RILPL1: variants seen among roughly 807,000 people sequenced by gnomAD.
The protein encoded by RILPL1 is Rab interacting lysosomal protein like 1, also known as RILP-like protein 1.
RILPL1 carries 33 observed loss-of-function variants against 50.3 expected under a neutral mutation model. The observed-to-expected ratio is 0.66, with a 90% CI of 0.50 to 0.88. The LOEUF is 0.88. Among genes scored for constraint, RILPL1 ranks in the 40% least tolerant of loss-of-function variants. The probability of loss-of-function intolerance (pLI) is 0.00; values close to 1 mark genes in which losing one functional copy is unlikely to be tolerated. For missense variants in RILPL1, 418 were observed against 542.5 expected (o/e 0.77, Z 2.28); for synonymous variants, 205 against 228.6 (o/e 0.90, Z 0.93).
intron 2 of RILPL1, among the ~76,000 whole-genome samples, chr12:123,504,000 C>CAAAA: frequency 9.6e-6 from 1 of 104,574 alleles, no homozygotes; most frequent in Non-Finnish European, 2.0e-5. Context: ...GACTCTATCT[C>CAAAA]AAAAAAAAAA....
chr12:123,480,722 G>T (rs1881918999), intron 6 of RILPL1, among the ~76,000 whole-genome samples: 1 of 152,048 alleles, frequency 6.6e-6, no homozygotes, highest in African/African-American at 2.4e-5. Flanking sequence ...CACTGCATGA[G>T]AAACCCTTCC....
intron 2 of RILPL1, among the ~76,000 whole-genome samples, chr12:123,507,571 A>G (rs1373247205): frequency 1.3e-5 from 2 of 151,804 alleles, no homozygotes; most frequent in Admixed American, 1.3e-4. Context: ...TCTCAAAAAA[A>G]AAAAAAAGAT....
chr12:123,497,481 G>A (rs948443278), intron 4 of RILPL1, among the ~76,000 whole-genome samples: 10 of 151,962 alleles, frequency 6.6e-5, no homozygotes, highest in African/African-American at 1.9e-4. Context: ...CTCTGCCTCC[G>A]AGGTTCAAGC....
intron 2 of RILPL1, among the ~76,000 whole-genome samples, chr12:123,511,413 GTC>G (rs1884186926): frequency 7.5e-6 from 1 of 133,586 alleles, no homozygotes; most frequent in African/African-American, 2.8e-5. Context: ...TGTGTGTGAG[GTC>G]TGTGTGTGAG....
intron 2 of RILPL1, among the ~76,000 whole-genome samples, chr12:123,515,861 C>G (rs1025577517): frequency 9.3e-5 from 14 of 151,184 alleles, no homozygotes; most frequent in African/African-American, 2.9e-4. Context: ...ATGGAGAAAC[C>G]CTGTCTCTAC....
intron 2 of RILPL1, chr12:123,518,513 AAAG>A: frequency 4.4e-6 from 1 of 225,724 alleles, no homozygotes; most frequent in South Asian, 4.5e-5. Flanking sequence ...AAAAAAAAAA[AAAG>A]GGAGAATGGC....
intron 1 of RILPL1, among the ~76,000 whole-genome samples, chr12:123,524,399 C>T (rs1885175885): frequency 1.3e-5 from 2 of 152,178 alleles, no homozygotes; most frequent in Admixed American, 6.5e-5. Flanking sequence ...AACATTAACA[C>T]AGAGTTACCA....
At chr12:123,494,953 C>T (rs1185694420) in intron 4 of RILPL1, among the ~76,000 whole-genome samples, 3 of 152,204 alleles carry the variant, frequency 2.0e-5, no homozygotes, top group Admixed American at 6.5e-5. Context: ...TTATCCTTCC[C>T]TCAGGTCTTT....
intron 6 of RILPL1, among the ~76,000 whole-genome samples, chr12:123,479,132 G>C (rs1365851932): frequency 1.3e-5 from 2 of 152,084 alleles, no homozygotes; most frequent in Non-Finnish European, 2.9e-5. Context: ...GAGCAGAAAA[G>C]GAATGGGTTC....
At chr12:123,478,299 C>T (rs1881736587) in intron 6 of RILPL1, among the ~76,000 whole-genome samples, 1 of 152,058 alleles carries the variant, frequency 6.6e-6, no homozygotes, top group African/African-American at 2.4e-5. Context: ...CCGCGCCTGG[C>T]CCTGTCTGTG....
In RILPL1 at chr12:123,472,002, C is replaced by CT. The variant is rs1280798873; in HGVS notation, c.*535dup. ...ATCCATATTGTCTGTGGCTTTGTGT[C>CT]TGAGTTGGGCTACTGAGCCTGTGAC... On this transcript the variant is annotated 3_prime_UTR_variant, in exon 7 of 7. Transcript: ENST00000376874. The CT allele has an allele frequency of 6.5e-6, 1 of 153,314 alleles. No individual in the cohort carries two copies. Among genetic ancestry groups the CT allele is most frequent in the East Asian group, 1.9e-4 (1 of 5,206 alleles). The allele number at this position is 153,314 out of a possible 1,614,324, so 9.5% of individuals were successfully genotyped here.
At chr12:123,518,323 G>C in intron 2 of RILPL1, 1 of 428,178 alleles carries the variant, frequency 2.3e-6, no homozygotes, top group Non-Finnish European at 4.6e-6. Flanking sequence ...GGGCAACATA[G>C]TGAGACCCCC....
chr12:123,501,499 C>T (rs1055971066), intron 2 of RILPL1, among the ~76,000 whole-genome samples: 3 of 152,014 alleles, frequency 2.0e-5, no homozygotes, highest in African/African-American at 4.8e-5. Flanking sequence ...CGGTGGCTCA[C>T]GCCTGTAATC....
At chr12:123,504,429 C>T (rs1305247372) in intron 2 of RILPL1, among the ~76,000 whole-genome samples, 1 of 152,170 alleles carries the variant, frequency 6.6e-6, no homozygotes, top group Non-Finnish European at 1.5e-5. Flanking sequence ...TCCAGAACAG[C>T]AGGCGACGAT....
rs1885142199 is a variant in RILPL1 at position 123,523,493 on chromosome 12, AC to A, written c.460+1del. ...CTTGCATTGGCGCCGACCCCCACTT[AC>A]CTTCATGCTTCTGGAACTCCTCCTC... On this transcript the variant is annotated splice_donor_variant, in intron 2 of 6. Coordinates refer to ENST00000376874, the MANE Select transcript of RILPL1 (RefSeq NM_178314.5). LOFTEE classifies it high-confidence loss of function. The A allele has an allele frequency of 1.2e-6, 2 of 1,613,822 alleles. No homozygotes were observed. The highest frequency in any genetic ancestry group is 1.3e-5 in the African/African-American group (1 of 74,922).
At chr12:123,477,167 C>G (rs1400462276) in intron 6 of RILPL1, among the ~76,000 whole-genome samples, 1 of 152,078 alleles carries the variant, frequency 6.6e-6, no homozygotes, top group Non-Finnish European at 1.5e-5. Flanking sequence ...TCCAACCATG[C>G]CACTAGAGCT....
chr12:123,491,755 A>AGCCACCGGTGTGAGCTGGTGGC lies in RILPL1; in HGVS notation c.802-5951_802-5950insGCCACCAGCTCACACCGGTGGC. On this transcript the variant is annotated intron_variant, in intron 4 of 6. Transcript: ENST00000376874. This position sits in a 1 kb window ranked among gnomAD's most constrained non-coding sequence, Gnocchi z 4.0. ...CTGGGCGCGGTGGCTCACACCTGTA[A>AGCCACCGGTGTGAGCTGGTGGC]TCCCAGCAGGAGGCCGAAGCAGGCG... is the stretch of plus-strand genomic sequence containing the variant. 6.6e-6 allele frequency among the ~76,000 whole-genome samples: 1 copy of AGCCACCGGTGTGAGCTGGTGGC among 152,178 alleles called. No homozygotes were observed. The highest frequency in any genetic ancestry group is 1.5e-5 in the Non-Finnish European group (1 of 68,022).
intron 2 of RILPL1, among the ~76,000 whole-genome samples, chr12:123,516,273 C>T (rs190501402): frequency 3.3e-5 from 5 of 152,340 alleles, no homozygotes; most frequent in East Asian, 1.9e-4. Flanking sequence ...TACACCACTG[C>T]TCTTTGATGT....
At chr12:123,509,826 G>A (rs1883977181) in intron 2 of RILPL1, among the ~76,000 whole-genome samples, 1 of 152,178 alleles carries the variant, frequency 6.6e-6, no homozygotes, top group African/African-American at 2.4e-5. Context: ...GTTACAGAGG[G>A]GCAATTCTGC....
Sources: allele counts gnomAD v4.1 joint callset (sites outside exome capture counted in the v4.1 genomes callset), GRCh38; gene constraint gnomAD v4.1.1; non-coding constraint Gnocchi (gnomAD v3.1); transcripts MANE v1.5; gene names NCBI Gene and HGNC (gene_info 2026-07-23, HGNC 2026-07-21).